Variants in PRDM10 observed in about 807,000 individuals in gnomAD.
PRDM10 encodes PR domain zinc finger protein 10.
In PRDM10, 65 loss-of-function variants were observed where a neutral mutation model predicts 133.1. That is an observed-to-expected ratio of 0.49 (90% CI 0.40 to 0.60). The LOEUF is 0.60. PRDM10 is among the 20% of genes least tolerant of loss of function. PRDM10 has a pLI of 0.00. For missense variants in PRDM10, 1,137 were observed against 1,507.1 expected (o/e 0.75, Z 4.07); for synonymous variants, 582 against 580.4 (o/e 1.00, Z -0.04).
At position 129,914,995 on chromosome 11, in the gene PRDM10, T is replaced by C; in HGVS notation, c.2550A>G (p.Arg850=). 10 of 1,604,600 alleles carry C rather than the reference T, an allele frequency of 6.2e-6. No homozygotes were observed. Among genetic ancestry groups the C allele is most frequent in the Non-Finnish European group, 8.5e-6 (10 of 1,171,832 alleles). Residue 850 remains arginine, a synonymous_variant, in exon 17 of 21, where the codon CGA becomes CGG. Transcript: ENST00000360871. The part of the protein sequence containing the change: ...SSKTKMVQHI[R]KKHPEFAQLS... The stretch of plus-strand genomic sequence containing the variant: ...GCTGGGCGAACTCTGGATGCTTCTT[T>C]CGAATGTGCTGGACCATCTTGGTCT...
chr11:130,002,211 C>A (rs1440644189), intron 1 of PRDM10, among the ~76,000 whole-genome samples: 1 of 147,996 alleles, frequency 6.8e-6, no homozygotes, highest in African/African-American at 2.4e-5. Flanking sequence ...CCGGAGCGCC[C>A]GCGCAACCGC....
chr11:129,907,245 G>C (rs1249644955), intron 19 of PRDM10, among the ~76,000 whole-genome samples: 1 of 152,108 alleles, frequency 6.6e-6, no homozygotes, highest in Non-Finnish European at 1.5e-5. Context: ...TGGTAACATG[G>C]GAATCCCACC....
At chr11:129,991,349 A>G (rs1185855478) in intron 1 of PRDM10, among the ~76,000 whole-genome samples, 2 of 152,212 alleles carry the variant, frequency 1.3e-5, no homozygotes, top group Non-Finnish European at 2.9e-5. Flanking sequence ...TTCACCAGAA[A>G]ATATGTAAAG....
intron 9 of PRDM10, among the ~76,000 whole-genome samples, chr11:129,932,735 CA>C (rs2135820577): frequency 6.6e-6 from 1 of 152,172 alleles, no homozygotes; most frequent in East Asian, 1.9e-4. Context: ...TAGTAAACAT[CA>C]ATTAACTTTT....
At chr11:129,961,956 A>G (rs1273964939) in intron 1 of PRDM10, among the ~76,000 whole-genome samples, 2 of 152,162 alleles carry the variant, frequency 1.3e-5, no homozygotes, top group Non-Finnish European at 2.9e-5. Flanking sequence ...TTCCTTGTAG[A>G]CACTAACTTC....
Position 129,957,767 on chromosome 11 carries a change from G to A in PRDM10, c.213C>T (p.Ile71=). 1.2e-6 allele frequency: 2 copies of A among 1,612,980 alleles called. No homozygotes were observed. Among genetic ancestry groups the A allele is most frequent in the South Asian group, 2.2e-5 (2 of 90,924 alleles). ...VDGPEHTLVY[I]HPVEAAQTLF... ...ATGCCTGTGCAGCTTCCACCGGGTGGATGTACACCAGCGTGTGCTCTGGAC... is the reference window on the plus strand; with the variant it reads ...ATGCCTGTGCAGCTTCCACCGGGTGAATGTACACCAGCGTGTGCTCTGGAC... Residue 71 remains isoleucine, a synonymous_variant, in exon 3 of 21, where the codon ATC becomes ATT. Coordinates refer to ENST00000360871, the MANE Select transcript of PRDM10 (RefSeq NM_199437.2).
At chr11:129,998,392 G>A (rs1477648003) in intron 1 of PRDM10, among the ~76,000 whole-genome samples, 1 of 152,092 alleles carries the variant, frequency 6.6e-6, no homozygotes, top group Non-Finnish European at 1.5e-5. Flanking sequence ...AAAAGGGGGG[G>A]AGGAGGAGGA....
chr11:129,981,276 C>T (rs1938096886), intron 1 of PRDM10, among the ~76,000 whole-genome samples: 1 of 152,074 alleles, frequency 6.6e-6, no homozygotes, highest in African/African-American at 2.4e-5. Flanking sequence ...GGGAAAAATT[C>T]TGACAGTACA....
At chr11:129,960,867 AT>A in intron 2 of PRDM10, 28 bp downstream of exon 2, 6 of 1,613,284 alleles carry the variant, frequency 3.7e-6, no homozygotes, top group Non-Finnish European at 5.1e-6. Context: ...AAACCTCTCA[AT>A]ACCAAGCTGG....
Position 129,902,087 on chromosome 11 carries a change from C to A in PRDM10, c.*226G>T. The A allele has an allele frequency of 1.9e-6, 1 of 535,172 alleles. No individual in the cohort carries two copies. The highest frequency in any genetic ancestry group is 3.1e-5 in the South Asian group (1 of 32,334). 33.2% of individuals were successfully genotyped at this position (535,172 alleles called of 1,614,324 possible). Reference sequence around the variant, plus strand: ...TCTCTCCACCTCGAAATCTACTTTCCCCTGAAAGATCTCTGTTCTGTGGCA... The same window carrying A: ...TCTCTCCACCTCGAAATCTACTTTCACCTGAAAGATCTCTGTTCTGTGGCA... On this transcript the variant is annotated 3_prime_UTR_variant, in exon 21 of 21. Coordinates refer to ENST00000360871, the MANE Select transcript of PRDM10 (RefSeq NM_199437.2).
chr11:129,925,559 A>C (rs1432560425), intron 11 of PRDM10, among the ~76,000 whole-genome samples: 1 of 152,258 alleles, frequency 6.6e-6, no homozygotes, highest in Non-Finnish European at 1.5e-5. Flanking sequence ...ACAGTGGAAC[A>C]GGATAAAAAT....
At chr11:129,953,819 A>T (rs1951639790) in intron 4 of PRDM10, among the ~76,000 whole-genome samples, 1 of 125,694 alleles carries the variant, frequency 8.0e-6, no homozygotes, top group Non-Finnish European at 1.6e-5. Context: ...AGCATTCTTT[A>T]TAGTAGCAAA....
intron 13 of PRDM10, among the ~76,000 whole-genome samples, chr11:129,920,610 C>T (rs1950496125): frequency 6.6e-6 from 1 of 151,842 alleles, no homozygotes; most frequent in African/African-American, 2.4e-5. Context: ...CTCCATCAGT[C>T]CCCTTCTCCC....
intron 1 of PRDM10, among the ~76,000 whole-genome samples, chr11:129,962,842 A>G (rs960190059): frequency 3.9e-5 from 6 of 152,128 alleles, no homozygotes; most frequent in Non-Finnish European, 5.9e-5. Context: ...TATTTAAAGA[A>G]ACAAAAGGTA....
intron 17 of PRDM10, chr11:129,914,424 G>C (rs1300670432): frequency 1.4e-5 from 7 of 508,230 alleles, no homozygotes; most frequent in Non-Finnish European, 2.1e-5. Context: ...GATCAGAAGA[G>C]GGTCAGAAAC....
intron 19 of PRDM10, among the ~76,000 whole-genome samples, chr11:129,906,357 G>A (rs140348175): frequency 5.9e-5 from 9 of 152,228 alleles, no homozygotes; most frequent in African/African-American, 1.2e-4. Flanking sequence ...TGAGAATAAC[G>A]CAGGAGCCAG....
chr11:129,985,520 A>T (rs866424409), intron 1 of PRDM10, among the ~76,000 whole-genome samples: 1 of 152,098 alleles, frequency 6.6e-6, no homozygotes, highest in African/African-American at 2.4e-5. Flanking sequence ...GGCAGGGCAC[A>T]GTGGCTCATG....
At chr11:129,906,359 A>G (rs1328457877) in intron 19 of PRDM10, among the ~76,000 whole-genome samples, 2 of 152,190 alleles carry the variant, frequency 1.3e-5, no homozygotes, top group African/African-American at 4.8e-5. Flanking sequence ...AGAATAACGC[A>G]GGAGCCAGTT....
intron 4 of PRDM10, among the ~76,000 whole-genome samples, chr11:129,952,199 T>G (rs1951598561): frequency 6.6e-6 from 1 of 152,158 alleles, no homozygotes; most frequent in African/African-American, 2.4e-5. Flanking sequence ...TTGGAAAAGA[T>G]GAAGGGCCCT....
Sources: allele counts gnomAD v4.1 joint callset (sites outside exome capture counted in the v4.1 genomes callset), GRCh38; gene constraint gnomAD v4.1.1; transcripts MANE v1.5; gene names NCBI Gene and HGNC (gene_info 2026-07-23, HGNC 2026-07-21).